GNA14: variants seen among roughly 807,000 people sequenced by gnomAD.
GNA14 encodes the protein G protein subunit alpha 14, also known as guanine nucleotide-binding protein subunit alpha-14.
In GNA14, 50 loss-of-function variants were observed where a neutral mutation model predicts 42.0. That is an observed-to-expected ratio of 1.19 (90% CI 0.95 to 1.51). The LOEUF (loss-of-function observed/expected upper bound fraction) is 1.51, where lower values mean the gene tolerates loss of function less well. Ranked by LOEUF, GNA14 falls within the 40% of genes most tolerant of loss-of-function variation. GNA14 has a pLI of 0.00. For synonymous variants in GNA14, 173 were observed against 163.1 expected, an observed-to-expected ratio of 1.06 and a Z score of -0.46; for missense variants, 473 against 446.2, an observed-to-expected ratio of 1.06 and a Z score of -0.54.
chr9:77,603,346 C>T lies in GNA14; in HGVS notation c.124+44324G>A, dbSNP rs150852948. Among the ~76,000 whole-genome samples the T allele has an allele frequency of 4.3e-3, 647 of 152,222 alleles. 4 individuals are homozygous for T. The highest frequency in any genetic ancestry group is 0.015 in the African/African-American group (630 of 41,544). Reference sequence around the variant, plus strand: ...ATCTGGCATCAAGGGTCAGGAGGAGCTCAAGTTCCAGGGTAAGCCTGGAAC... The same window carrying T: ...ATCTGGCATCAAGGGTCAGGAGGAGTTCAAGTTCCAGGGTAAGCCTGGAAC... On this transcript the variant is annotated intron_variant, in intron 1 of 6. Coordinates refer to ENST00000341700, the MANE Select transcript of GNA14 (RefSeq NM_004297.4).
chr9:77,548,251 C>T (rs1837745177), intron 1 of GNA14, among the ~76,000 whole-genome samples: 1 of 152,172 alleles, frequency 6.6e-6, no homozygotes. Context: ...GTAACTCCAA[C>T]CTGTGCCTTT....
In GNA14 at chr9:77,428,926, A is replaced by G. The variant is rs921301097; in HGVS notation, c.704T>C (p.Leu235Pro). The change falls in exon 5 of 7, where the codon CTG (leucine) becomes CCG (proline). Residue 235 changes from leucine to proline, a missense_variant. Coordinates refer to ENST00000341700, the MANE Select transcript of GNA14 (RefSeq NM_004297.4). ...LVALSEYDQV[L>P]AECDNENRME... ...GCATACCTCGTTGTCACACTCAGCC[A>G]GGACCTGGTCATATTCACTCAGAGC... 5 of 1,613,838 alleles carry G rather than the reference A, an allele frequency of 3.1e-6. No homozygotes were observed. Among genetic ancestry groups the G allele is most frequent in the African/African-American group, 1.3e-5 (1 of 74,920 alleles).
At chr9:77,440,170 T>G (rs1835708861) in intron 2 of GNA14, among the ~76,000 whole-genome samples, 1 of 152,280 alleles carries the variant, frequency 6.6e-6, no homozygotes, top group African/African-American at 2.4e-5. Flanking sequence ...ATCACCATAT[T>G]CACTGCTCTG....
intron 1 of GNA14, among the ~76,000 whole-genome samples, chr9:77,540,296 G>C (rs1296273566): frequency 6.6e-6 from 1 of 151,832 alleles, no homozygotes; most frequent in Non-Finnish European, 1.5e-5. Flanking sequence ...GTTCCTCTTG[G>C]TATTGATCCC....
chr9:77,596,754 C>T (rs1250929285), intron 1 of GNA14, among the ~76,000 whole-genome samples: 1 of 152,202 alleles, frequency 6.6e-6, no homozygotes, highest in East Asian at 1.9e-4. Flanking sequence ...CCATTCTATT[C>T]AGTCACCCCT....
At position 77,553,702 on chromosome 9, in the gene GNA14, A is replaced by T. The variant is rs1837812593; in HGVS notation, c.125-24449T>A. The stretch of plus-strand genomic sequence containing the variant: ...ATTCCCACTTATTTGTGTGCACAGC[A>T]AGATGAAGAATTATATGACAGCTTG... On this transcript the variant is annotated intron_variant, in intron 1 of 6. Coordinates refer to ENST00000341700, the MANE Select transcript of GNA14 (RefSeq NM_004297.4). Among the ~76,000 whole-genome samples, 3 of 152,168 alleles carry T rather than the reference A, an allele frequency of 2.0e-5. No individual in the cohort carries two copies. In the East Asian group the frequency reaches 5.9e-4, roughly 30 times the overall value.
intron 1 of GNA14, among the ~76,000 whole-genome samples, chr9:77,640,930 G>T (rs371679973): frequency 6.8e-6 from 1 of 147,882 alleles, no homozygotes; most frequent in South Asian, 2.2e-4. Context: ...ACAGGAGCCA[G>T]CTTGAAGGGG....
intron 1 of GNA14, among the ~76,000 whole-genome samples, chr9:77,600,326 G>C (rs1390651660): frequency 6.6e-6 from 1 of 152,184 alleles, no homozygotes; most frequent in Non-Finnish European, 1.5e-5. Context: ...TGACAATAGA[G>C]TTCAAGAAAG....
intron 2 of GNA14, among the ~76,000 whole-genome samples, chr9:77,518,995 T>C (rs1043730662): frequency 6.6e-6 from 1 of 152,208 alleles, no homozygotes; most frequent in African/African-American, 2.4e-5. Flanking sequence ...GTACACAAGA[T>C]ACAATGTCAC....
At chr9:77,582,440 T>G (rs1357279894) in intron 1 of GNA14, among the ~76,000 whole-genome samples, 1 of 152,214 alleles carries the variant, frequency 6.6e-6, no homozygotes, top group African/African-American at 2.4e-5. Flanking sequence ...ACCGCCAGGA[T>G]AGAGTCCAAT....
At chr9:77,432,124 T>A (rs927001004) in intron 3 of GNA14, among the ~76,000 whole-genome samples, 2 of 148,962 alleles carry the variant, frequency 1.3e-5, no homozygotes, top group African/African-American at 4.9e-5. Context: ...AAAAAAAAAC[T>A]TTAAGGCCTT....
In GNA14 at chr9:77,512,298, G is replaced by A. The variant is rs1837184227; in HGVS notation, c.309+16771C>T. Among the ~76,000 whole-genome samples the A allele has an allele frequency of 2.0e-5, 3 of 152,174 alleles. No homozygotes were observed. The South Asian group carries it at 6.2e-4, about 32-fold the overall frequency. Reference sequence around the variant, plus strand: ...TGTTAAAGGGACTAGAGGAGTTTTAGTCACTCTTCTCAAAGTTACTACTCA... The same window carrying A: ...TGTTAAAGGGACTAGAGGAGTTTTAATCACTCTTCTCAAAGTTACTACTCA... On this transcript the variant is annotated intron_variant, in intron 2 of 6. Transcript: ENST00000341700.
intron 2 of GNA14, among the ~76,000 whole-genome samples, chr9:77,493,002 GGAAA>G (rs1358785903): frequency 4.1e-4 from 28 of 68,132 alleles, no homozygotes; most frequent in Non-Finnish European, 4.9e-4. Context: ...CTCCGTCTCA[GGAAA>G]AAAAAAAAAA....
intron 2 of GNA14, among the ~76,000 whole-genome samples, chr9:77,476,663 G>C (rs1296680944): frequency 6.6e-6 from 1 of 152,198 alleles, no homozygotes; most frequent in Non-Finnish European, 1.5e-5. Context: ...TTGTTTAAAG[G>C]CAAGTCCTAT....
chr9:77,434,147 G>C (rs569473666), intron 3 of GNA14, among the ~76,000 whole-genome samples: 13 of 152,300 alleles, frequency 8.5e-5, no homozygotes, highest in African/African-American at 2.6e-4. Flanking sequence ...GAGCAGGCGG[G>C]TGTCGGCAGG....
chr9:77,553,887 C>T (rs139886818), intron 1 of GNA14, among the ~76,000 whole-genome samples: 17 of 152,126 alleles, frequency 1.1e-4, no homozygotes, highest in East Asian at 5.8e-4. Context: ...AAAATAAATG[C>T]GTAGTGATAG....
intron 2 of GNA14, among the ~76,000 whole-genome samples, chr9:77,501,950 A>T (rs1330280371): frequency 1.3e-5 from 2 of 151,862 alleles, no homozygotes; most frequent in East Asian, 3.9e-4. Flanking sequence ...TTCGTGATCC[A>T]CCTGCCTCAG....
At chr9:77,508,999 T>G (rs937469826) in intron 2 of GNA14, among the ~76,000 whole-genome samples, 1 of 152,200 alleles carries the variant, frequency 6.6e-6, no homozygotes, top group Non-Finnish European at 1.5e-5. Context: ...GTTTAGGGCA[T>G]TAATACATTC....
At chr9:77,515,983 A>AAAC (rs1276481734) in intron 2 of GNA14, among the ~76,000 whole-genome samples, 2 of 145,450 alleles carry the variant, frequency 1.4e-5, no homozygotes, top group East Asian at 2.2e-4. Context: ...AAAAAAAAAA[A>AAAC]CCCAGAGCAG....
Sources: allele counts gnomAD v4.1 joint callset (sites outside exome capture counted in the v4.1 genomes callset), GRCh38; gene constraint gnomAD v4.1.1; transcripts MANE v1.5; gene names NCBI Gene and HGNC (gene_info 2026-07-23, HGNC 2026-07-21).